The following PLPPR5 variants were observed in gnomAD, a reference collection of about 807,000 sequenced individuals.
PLPPR5 encodes phospholipid phosphatase-related protein type 5.
PLPPR5 carries 16 observed loss-of-function variants against 33.9 expected under a neutral mutation model. The ratio of observed to expected loss-of-function variants is 0.47; its 90% CI spans 0.32 to 0.72. The LOEUF is 0.72. Among genes scored for constraint, PLPPR5 ranks in the 30% least tolerant of loss-of-function variants. PLPPR5 has a pLI of 0.03. For missense variants in PLPPR5, 301 were observed against 406.7 expected, an observed-to-expected ratio of 0.74 and a Z score of 2.23; for synonymous variants, 163 against 150.3, an observed-to-expected ratio of 1.08 and a Z score of -0.62.
intron 4 of PLPPR5, among the ~76,000 whole-genome samples, chr1:98,915,173 C>T (rs1042774255): frequency 1.3e-5 from 2 of 152,090 alleles, no homozygotes; most frequent in African/African-American, 2.4e-5. Flanking sequence ...TTAATTATGA[C>T]AATTTTATTA....
chr1:98,942,222 CCA>C (rs1025658696), intron 3 of PLPPR5, among the ~76,000 whole-genome samples: 5 of 152,118 alleles, frequency 3.3e-5, no homozygotes, highest in Admixed American at 6.5e-5. Context: ...CAGACATGCA[CCA>C]CTGCCTGGTT....
chr1:98,902,778 C>T (rs1648744594), intron 5 of PLPPR5, among the ~76,000 whole-genome samples: 1 of 152,056 alleles, frequency 6.6e-6, no homozygotes, highest in African/African-American at 2.4e-5. Context: ...TGATTATTCT[C>T]TCCTTAACTA....
At chr1:98,963,961 T>C (rs1350675366) in intron 1 of PLPPR5, among the ~76,000 whole-genome samples, 2 of 152,236 alleles carry the variant, frequency 1.3e-5, no homozygotes, top group African/African-American at 4.8e-5. Context: ...ATGTCTTCTT[T>C]GCATATCCTT....
rs377142376 is a variant in PLPPR5, at chr1:98,986,344, C to G, written c.237+18091G>C. Among the ~76,000 whole-genome samples the G allele has an allele frequency of 1.4e-4, 21 of 151,832 alleles. No individual in the cohort carries two copies. In the South Asian group the frequency reaches 4.4e-3, roughly 32 times the overall value. On this transcript the variant is annotated intron_variant, in intron 1 of 5. Transcript: ENST00000263177. ...AAAAATTATAAAATGTACTAACATT[C>G]ATAAAATGTTAGTATAAGACACGGA...
intron 4 of PLPPR5, among the ~76,000 whole-genome samples, chr1:98,920,592 C>CAAAAAAAAAAAAAAAAAAAAAAA (rs1557669386): frequency 7.3e-5 from 1 of 13,658 alleles, no homozygotes; most frequent in Non-Finnish European, 2.2e-4. Flanking sequence ...AGTGGTATCA[C>CAAAAAAAAAAAAAAAAAAAAAAA]CAAAAAAAAA....
chr1:98,956,569 C>A, intron 2 of PLPPR5, 40 bp downstream of exon 2: 1 of 1,516,088 alleles, frequency 6.6e-7, no homozygotes, highest in East Asian at 2.5e-5. Flanking sequence ...CACATAGACA[C>A]TGTTTCAGAA....
chr1:98,946,784 G>A (rs753037001), intron 3 of PLPPR5, among the ~76,000 whole-genome samples: 45 of 152,120 alleles, frequency 3.0e-4, no homozygotes, highest in Non-Finnish European at 5.9e-4. Context: ...AGTAAGCACA[G>A]TACCTAGGGC....
Position 98,914,386 on chromosome 1 carries a change from G to A in PLPPR5, c.933+400C>T, listed in dbSNP as rs184963994. Among the ~76,000 whole-genome samples, 11 of 152,252 alleles carry A rather than the reference G, an allele frequency of 7.2e-5. No homozygotes were observed. In the East Asian group the frequency reaches 1.7e-3, roughly 24 times the overall value. On this transcript the variant is annotated intron_variant, in intron 5 of 5. Transcript: ENST00000263177. ...TTGCAACCTTTTCCTCCAGGTTCAA[G>A]TGATTCTGGTGCCTCAGCCTCCCAA...
At chr1:98,906,576 G>C (rs1648909828) in intron 5 of PLPPR5, among the ~76,000 whole-genome samples, 1 of 152,056 alleles carries the variant, frequency 6.6e-6, no homozygotes, top group Non-Finnish European at 1.5e-5. Context: ...ATTTATATCA[G>C]GTCTATTCAC....
intron 5 of PLPPR5, among the ~76,000 whole-genome samples, chr1:98,899,400 C>A (rs536236166): frequency 6.6e-6 from 1 of 152,114 alleles, no homozygotes; most frequent in Non-Finnish European, 1.5e-5. Flanking sequence ...AGTCTGAGTA[C>A]CACTGCCTAA....
At chr1:98,903,882 T>G (rs2101138481) in intron 5 of PLPPR5, among the ~76,000 whole-genome samples, 1 of 152,288 alleles carries the variant, frequency 6.6e-6, no homozygotes, top group East Asian at 1.9e-4. Flanking sequence ...TGTCCACCCA[T>G]CACTCTGACT....
upstream of PLPPR5, among the ~76,000 whole-genome samples, chr1:99,005,244 C>G (rs1436111000): frequency 1.3e-5 from 2 of 152,108 alleles, no homozygotes; most frequent in African/African-American, 4.8e-5. Context: ...TTTAAGAAAC[C>G]CGCACAACGC....
chr1:99,001,724 G>A (rs1652859479), intron 1 of PLPPR5, among the ~76,000 whole-genome samples: 2 of 120,612 alleles, frequency 1.7e-5, no homozygotes, highest in African/African-American at 3.2e-5. Context: ...ATTACTACAG[G>A]ACAAAAAATG....
chr1:98,964,056 G>A (rs757908068), intron 1 of PLPPR5, among the ~76,000 whole-genome samples: 11 of 152,078 alleles, frequency 7.2e-5, no homozygotes, highest in South Asian at 2.1e-4. Context: ...GGAATCACGC[G>A]CTACCATTTT....
chr1:98,924,038 A>C (rs775712590), intron 3 of PLPPR5, among the ~76,000 whole-genome samples: 3 of 152,188 alleles, frequency 2.0e-5, no homozygotes, highest in African/African-American at 7.2e-5. Context: ...ATTTCTTTAC[A>C]TCTGTTAACA....
chr1:98,942,364 C>G (rs1259408607), intron 3 of PLPPR5, among the ~76,000 whole-genome samples: 2 of 152,134 alleles, frequency 1.3e-5, no homozygotes, highest in Non-Finnish European at 2.9e-5. Context: ...ATATTTTTTC[C>G]TATATGTTAA....
chr1:98,975,477 T>C (rs983661196), intron 1 of PLPPR5, among the ~76,000 whole-genome samples: 1 of 152,088 alleles, frequency 6.6e-6, no homozygotes, highest in Admixed American at 6.6e-5. Context: ...CTTTTGAGGT[T>C]TCAGCGGAAT....
intron 5 of PLPPR5, among the ~76,000 whole-genome samples, chr1:98,896,584 A>G (rs2101131226): frequency 6.6e-6 from 1 of 152,206 alleles, no homozygotes; most frequent in South Asian, 2.1e-4. Flanking sequence ...AGATTAGAAT[A>G]TGCTACATGA....
rs146918871 is a variant in PLPPR5 at position 98,954,216 on chromosome 1, A to G, written c.371-896T>C. Among the ~76,000 whole-genome samples, 779 of 152,242 alleles carry G rather than the reference A, an allele frequency of 5.1e-3. 8 individuals are homozygous for G. The highest frequency in any genetic ancestry group is 8.6e-3 in the Non-Finnish European group (583 of 67,976). On this transcript the variant is annotated intron_variant, in intron 2 of 5. Coordinates refer to ENST00000263177, the MANE Select transcript of PLPPR5 (RefSeq NM_001037317.2). The stretch of plus-strand genomic sequence containing the variant: ...CTTATTTTTCTATTATACGGGCAAA[A>G]TAATTTTTGGCATTAATTTCAATTA...
Sources: gnomAD v4.1 joint callset for allele counts (sites outside exome capture counted in the v4.1 genomes callset) on GRCh38, gnomAD v4.1.1 for gene constraint, MANE v1.5 for transcripts, NCBI Gene and HGNC (gene_info 2026-07-23, HGNC 2026-07-21) for gene names.